Variants in AGTPBP1 observed in about 807,000 individuals in gnomAD.
The protein encoded by AGTPBP1 is cytosolic carboxypeptidase 1.
A neutral mutation model predicts 143.9 loss-of-function variants in AGTPBP1; 70 were observed. The ratio of observed to expected loss-of-function variants is 0.49; its 90% confidence interval spans 0.40 to 0.59. AGTPBP1 has a LOEUF of 0.59. Among genes scored for constraint, AGTPBP1 ranks in the 20% least tolerant of loss-of-function variants. The pLI, the probability that AGTPBP1 is intolerant of heterozygous loss-of-function variation, is 0.00. For synonymous variants in AGTPBP1, 463 were observed against 500.2 expected (o/e 0.93, Z 0.99); for missense variants, 1,229 against 1,464.5 (o/e 0.84, Z 2.62).
At chr9:85,682,172 T>TTA (rs1231973645) in intron 3 of AGTPBP1, among the ~76,000 whole-genome samples, 80 of 85,826 alleles carry the variant, frequency 9.3e-4, no homozygotes, top group African/African-American at 1.0e-3. Context: ...TAGGATTGGT[T>TTA]AAAAAAAAAA....
At chr9:85,591,913 G>A (rs1035697711) in intron 19 of AGTPBP1, among the ~76,000 whole-genome samples, 10 of 151,912 alleles carry the variant, frequency 6.6e-5, no homozygotes, top group African/African-American at 2.2e-4. Context: ...TACCACAGTC[G>A]ATATTTAATT....
intron 11 of AGTPBP1, among the ~76,000 whole-genome samples, chr9:85,648,540 C>T (rs550020876): frequency 8.5e-4 from 130 of 152,224 alleles, no homozygotes; most frequent in African/African-American, 2.8e-3. Context: ...AATTAAGGCG[C>T]GGTGGTTCAC....
chr9:85,756,060 T>A, the AGTPBP1 span: 232 of 1,498,548 alleles, frequency 1.5e-4, 1 homozygote, highest in African/African-American at 1.8e-3. Flanking sequence ...ATTTTTTTTT[T>A]AATTTTAATG....
At chr9:85,647,259 A>G (rs1487776289) in intron 11 of AGTPBP1, among the ~76,000 whole-genome samples, 1 of 152,162 alleles carries the variant, frequency 6.6e-6, no homozygotes, top group African/African-American at 2.4e-5. Context: ...CCTGGGCAAC[A>G]AGAGCAAAAT....
intron 9 of AGTPBP1, among the ~76,000 whole-genome samples, chr9:85,659,636 T>C (rs1833734119): frequency 6.6e-6 from 1 of 152,114 alleles, no homozygotes; most frequent in Non-Finnish European, 1.5e-5. Flanking sequence ...TGGATTGATT[T>C]CTATAAAATA....
intron 23 of AGTPBP1, among the ~76,000 whole-genome samples, chr9:85,585,025 TA>T (rs1463075277): frequency 6.6e-6 from 1 of 152,132 alleles, no homozygotes; most frequent in Non-Finnish European, 1.5e-5. Context: ...AAGCAATTTT[TA>T]AAAGAACAAG....
At chr9:85,795,138 T>C in the AGTPBP1 span, among the ~76,000 whole-genome samples, 2 of 152,188 alleles carry the variant, frequency 1.3e-5, no homozygotes, top group East Asian at 3.8e-4. Context: ...ACTGTCTCTT[T>C]AGGAATTGTT....
In AGTPBP1 at chr9:85,704,976, A is replaced by G. The variant is rs193244154; in HGVS notation, c.32+7526T>C. Among the ~76,000 whole-genome samples the G allele has an allele frequency of 8.4e-4, 128 of 152,278 alleles. 1 individual carries two copies. Among genetic ancestry groups the G allele is most frequent in the African/African-American group, 3.0e-3 (123 of 41,554 alleles). On this transcript the variant is annotated intron_variant, in intron 2 of 25. Transcript: ENST00000357081. ...AAAAAAAAGATGAGTGAACTTGAGG[A>G]CACGCAATAAAAAGTATCCAAAATA... is the stretch of plus-strand genomic sequence containing the variant.
chr9:85,791,161 C>T, the AGTPBP1 span, among the ~76,000 whole-genome samples: 2 of 151,860 alleles, frequency 1.3e-5, no homozygotes, highest in Non-Finnish European at 2.9e-5. Flanking sequence ...AGGTGGATCA[C>T]GAGGTCAGGA....
chr9:85,660,226 A>C (rs1407840267), intron 9 of AGTPBP1, among the ~76,000 whole-genome samples: 1 of 152,090 alleles, frequency 6.6e-6, no homozygotes, highest in Non-Finnish European at 1.5e-5. Context: ...AAAGCCACCC[A>C]GCCACCAACA....
the AGTPBP1 span, among the ~76,000 whole-genome samples, chr9:85,802,985 C>G: frequency 1.3e-5 from 2 of 152,212 alleles, no homozygotes; most frequent in African/African-American, 4.8e-5. Flanking sequence ...TCTGTGTTTT[C>G]AGGGAGAAGG....
intron 2 of AGTPBP1, among the ~76,000 whole-genome samples, chr9:85,703,225 G>A (rs990179471): frequency 3.3e-5 from 5 of 152,162 alleles, no homozygotes; most frequent in African/African-American, 1.2e-4. Flanking sequence ...CTAGTTTTTT[G>A]AGGATTTGAA....
intron 24 of AGTPBP1, among the ~76,000 whole-genome samples, chr9:85,578,601 G>A (rs1828042923): frequency 6.6e-6 from 1 of 151,928 alleles, no homozygotes; most frequent in Non-Finnish European, 1.5e-5. Context: ...AAATTTTTAA[G>A]GTATCACTTA....
intron 14 of AGTPBP1, among the ~76,000 whole-genome samples, chr9:85,630,424 A>C (rs1831588875): frequency 7.2e-6 from 1 of 139,284 alleles, no homozygotes; most frequent in Non-Finnish European, 1.5e-5. Context: ...ATTGAGACAG[A>C]GTCTTGCTCT....
At chr9:85,777,445 G>A in the AGTPBP1 span, among the ~76,000 whole-genome samples, 1 of 152,222 alleles carries the variant, frequency 6.6e-6, no homozygotes, top group African/African-American at 2.4e-5. Context: ...AGCAGTGGCC[G>A]TAGCCAGGTC....
chr9:85,719,546 T>TA (rs1451490265), intron 1 of AGTPBP1, among the ~76,000 whole-genome samples: 1 of 152,244 alleles, frequency 6.6e-6, no homozygotes, highest in Non-Finnish European at 1.5e-5. Context: ...CTTATCAGCT[T>TA]AAAGAGATTA....
Position 85,598,164 on chromosome 9 carries a change from TTC to T in AGTPBP1, c.2336-1717_2336-1716del, listed in dbSNP as rs150083382. Among the ~76,000 whole-genome samples the T allele has an allele frequency of 8.0e-5, 12 of 150,688 alleles. No individual in the cohort carries two copies. The East Asian group carries it at 9.7e-4, about 12-fold the overall frequency. On this transcript the variant is annotated intron_variant, in intron 17 of 25. Coordinates refer to ENST00000357081, the MANE Select transcript of AGTPBP1 (RefSeq NM_001330701.2). ...ACTTTTTCCTCATCGCTTTTGGTAT[TTC>T]TCTCTCTCTCTCTCTCCCCTGATGT... is the stretch of plus-strand genomic sequence containing the variant.
At chr9:85,567,680 C>G (rs1011395328) in intron 25 of AGTPBP1, among the ~76,000 whole-genome samples, 6 of 152,114 alleles carry the variant, frequency 3.9e-5, no homozygotes, top group African/African-American at 1.4e-4. Flanking sequence ...AAAGAAAAAT[C>G]TCCCAGGAGA....
At chr9:85,675,399 T>C (rs183101827) in intron 6 of AGTPBP1, among the ~76,000 whole-genome samples, 8 of 152,334 alleles carry the variant, frequency 5.3e-5, no homozygotes, top group African/African-American at 1.7e-4. Flanking sequence ...CTTACTGTTG[T>C]AATAACTGGT....
Sources: gnomAD v4.1 joint callset for allele counts (sites outside exome capture counted in the v4.1 genomes callset) on GRCh38, gnomAD v4.1.1 for gene constraint, MANE v1.5 for transcripts, NCBI Gene and HGNC (gene_info 2026-07-23, HGNC 2026-07-21) for gene names.